REEP1: variants seen among roughly 807,000 people sequenced by gnomAD.
REEP1 encodes the protein receptor expression-enhancing protein 1.
In REEP1, 22 loss-of-function variants were observed where a neutral mutation model predicts 40.3. The ratio of observed to expected loss-of-function variants is 0.55; its 90% CI spans 0.39 to 0.78. The LOEUF is 0.78. Ranked by LOEUF, REEP1 falls within the 30% of genes least tolerant of loss-of-function variation. REEP1 has a pLI of 0.00. For missense variants in REEP1, 280 were observed against 361.1 expected (o/e 0.78, Z 1.82); for synonymous variants, 116 against 139.2 (o/e 0.83, Z 1.17).
chr2:86,326,575 G>A (rs1573058610), intron 1 of REEP1, among the ~76,000 whole-genome samples: 1 of 152,110 alleles, frequency 6.6e-6, no homozygotes, highest in African/African-American at 2.4e-5. Context: ...AGCCAGGCAT[G>A]GTGGTGCATG....
At chr2:86,247,555 CTTT>C (rs369735744) in intron 5 of REEP1, among the ~76,000 whole-genome samples, 6,619 of 151,256 alleles carry the variant, frequency 0.044, 191 homozygotes, top group East Asian at 0.071. Flanking sequence ...TAAGAACTTC[CTTT>C]TGTTGTTGTT....
At chr2:86,260,159 T>C in intron 3 of REEP1, among the ~76,000 whole-genome samples, 1 of 152,128 alleles carries the variant, frequency 6.6e-6, no homozygotes, top group South Asian at 2.1e-4. Context: ...CTAGGATCTA[T>C]GACACCTGGA....
chr2:86,303,208 AATTGT>A (rs1679331652), intron 1 of REEP1, among the ~76,000 whole-genome samples: 1 of 125,888 alleles, frequency 7.9e-6, no homozygotes, highest in South Asian at 2.6e-4. Flanking sequence ...ATGCCCGGCT[AATTGT>A]TTTTTTTTTT....
At position 86,298,387 on chromosome 2, in the gene REEP1, C is replaced by T. The variant is rs574356581; in HGVS notation, c.33-16145G>A. Among the ~76,000 whole-genome samples, 25 of 152,330 alleles carry T rather than the reference C, an allele frequency of 1.6e-4. No homozygotes were observed. In the South Asian group the frequency reaches 3.7e-3, roughly 23 times the overall value. ...CTGGGTAATCTTAGGCCATCACACCCGCTCCCTGGATCTGTCTCTTCATTC... is the reference window on the plus strand; with the variant it reads ...CTGGGTAATCTTAGGCCATCACACCTGCTCCCTGGATCTGTCTCTTCATTC... On this transcript the variant is annotated intron_variant, in intron 1 of 8. Coordinates refer to ENST00000538924, the MANE Select transcript of REEP1 (RefSeq NM_001371279.1).
At chr2:86,280,588 C>T (rs1287508364) in intron 2 of REEP1, among the ~76,000 whole-genome samples, 2 of 152,194 alleles carry the variant, frequency 1.3e-5, no homozygotes, top group Admixed American at 6.5e-5. Flanking sequence ...ATGCTTTGCC[C>T]TGTGCCAAGT....
At chr2:86,249,408 C>T (rs1035694142) in intron 5 of REEP1, among the ~76,000 whole-genome samples, 5 of 152,196 alleles carry the variant, frequency 3.3e-5, no homozygotes, top group Non-Finnish European at 5.9e-5. Context: ...AAGGTTAAGG[C>T]TTCCAAGGAG....
chr2:86,295,559 C>G (rs1251540834), intron 1 of REEP1, among the ~76,000 whole-genome samples: 2 of 152,228 alleles, frequency 1.3e-5, no homozygotes, highest in African/African-American at 4.8e-5. Flanking sequence ...GAGTCTTGCT[C>G]TGTCACCCAG....
chr2:86,283,771 C>T (rs1678232752), intron 1 of REEP1, among the ~76,000 whole-genome samples: 2 of 152,210 alleles, frequency 1.3e-5, no homozygotes, highest in Admixed American at 1.3e-4. Context: ...ACCCCTTTTA[C>T]AGACAGGACT....
At chr2:86,279,921 T>G in intron 2 of REEP1, 1 of 455,502 alleles carries the variant, frequency 2.2e-6, no homozygotes, top group East Asian at 6.9e-5. Context: ...TAATTTGTAA[T>G]GGTGACAATA....
chr2:86,309,211 C>T (rs1679643038), intron 1 of REEP1, among the ~76,000 whole-genome samples: 1 of 152,204 alleles, frequency 6.6e-6, no homozygotes, highest in African/African-American at 2.4e-5. Context: ...AACTTCCCCT[C>T]GGCCTCCCGT....
At chr2:86,304,000 A>G (rs920716036) in intron 1 of REEP1, among the ~76,000 whole-genome samples, 5 of 152,202 alleles carry the variant, frequency 3.3e-5, no homozygotes, top group Admixed American at 2.0e-4. Flanking sequence ...AAGCCGACCT[A>G]CTAGCACAGG....
intron 7 of REEP1, among the ~76,000 whole-genome samples, chr2:86,221,598 C>A (rs115634896): frequency 0.022 from 3,301 of 152,212 alleles, 69 homozygotes; most frequent in Non-Finnish European, 0.033. Context: ...CTGTGCCACA[C>A]AGCTTGTGTT....
At chr2:86,306,285 C>T (rs1274648468) in intron 1 of REEP1, among the ~76,000 whole-genome samples, 1 of 151,864 alleles carries the variant, frequency 6.6e-6, no homozygotes, top group East Asian at 1.9e-4. Flanking sequence ...TCTCTTAACC[C>T]TTCTGAAATC....
chr2:86,313,273 A>C (rs1414036071), intron 1 of REEP1, among the ~76,000 whole-genome samples: 1 of 148,336 alleles, frequency 6.7e-6, no homozygotes, highest in Non-Finnish European at 1.5e-5. Flanking sequence ...ATGTACCACC[A>C]TGCCTGGCTG....
At chr2:86,332,861 A>T (rs532809080) in intron 1 of REEP1, among the ~76,000 whole-genome samples, 2 of 152,342 alleles carry the variant, frequency 1.3e-5, no homozygotes, top group South Asian at 4.1e-4. Context: ...CTGGGGAAGG[A>T]AGGGACCTAG....
intron 1 of REEP1, among the ~76,000 whole-genome samples, chr2:86,293,389 C>T (rs1021294781): frequency 2.0e-5 from 3 of 152,118 alleles, no homozygotes; most frequent in Non-Finnish European, 2.9e-5. Flanking sequence ...GGCAAAACTA[C>T]GGAGATAGAA....
At chr2:86,255,765 A>T (rs1182579645) in intron 3 of REEP1, among the ~76,000 whole-genome samples, 1 of 152,192 alleles carries the variant, frequency 6.6e-6, no homozygotes. Flanking sequence ...CCATAGTGCT[A>T]GCCCACGTGG....
At chr2:86,269,181 G>C (rs1677305547) in intron 2 of REEP1, among the ~76,000 whole-genome samples, 1 of 152,122 alleles carries the variant, frequency 6.6e-6, no homozygotes, top group Non-Finnish European at 1.5e-5. Flanking sequence ...CATCCCTTCT[G>C]TCTATAAAGC....
intron 7 of REEP1, among the ~76,000 whole-genome samples, chr2:86,226,075 T>C (rs953802337): frequency 4.5e-5 from 5 of 111,792 alleles, no homozygotes; most frequent in South Asian, 3.6e-4. Flanking sequence ...CTCCAGGCTA[T>C]CACCACCACC....
Sources: gnomAD v4.1 joint callset for allele counts (sites outside exome capture counted in the v4.1 genomes callset) on GRCh38, gnomAD v4.1.1 for gene constraint, MANE v1.5 for transcripts, NCBI Gene and HGNC (gene_info 2026-07-23, HGNC 2026-07-21) for gene names.